Variants in THSD4 observed in about 807,000 individuals in gnomAD.
The protein encoded by THSD4 is thrombospondin type-1 domain-containing protein 4.
THSD4 carries 69 observed loss-of-function variants against 119.0 expected under a neutral mutation model. The observed-to-expected ratio is 0.58, with a 90% CI of 0.48 to 0.71. The LOEUF (loss-of-function observed/expected upper bound fraction) is 0.71. THSD4 is among the 30% of genes least tolerant of loss of function. The probability of loss-of-function intolerance (pLI) is 0.00; values close to 1 mark genes in which losing one functional copy is unlikely to be tolerated. For synonymous variants in THSD4, 524 were observed against 540.4 expected (o/e 0.97, Z 0.42); for missense variants, 1,393 against 1,391.1 (o/e 1.00, Z -0.02).
chr15:71,174,435 A>C (rs1243765210), intron 3 of THSD4, among the ~76,000 whole-genome samples: 1 of 146,156 alleles, frequency 6.8e-6, no homozygotes, highest in Non-Finnish European at 1.5e-5. Context: ...AGACCGGCTT[A>C]AGAAACGGCG....
At chr15:71,661,390 T>C (rs1361569426) in intron 8 of THSD4, among the ~76,000 whole-genome samples, 2 of 147,456 alleles carry the variant, frequency 1.4e-5, no homozygotes, top group East Asian at 2.0e-4. Context: ...GAACACATTA[T>C]TTATTTATTT....
intron 7 of THSD4, among the ~76,000 whole-genome samples, chr15:71,601,709 G>A (rs1312195544): frequency 6.6e-6 from 1 of 152,200 alleles, no homozygotes; most frequent in Non-Finnish European, 1.5e-5. Flanking sequence ...CTACTGAAAT[G>A]TCACTATTTA....
At chr15:71,218,639 C>G (rs1005665890) in intron 4 of THSD4, among the ~76,000 whole-genome samples, 2 of 152,214 alleles carry the variant, frequency 1.3e-5, no homozygotes, top group Non-Finnish European at 2.9e-5. Context: ...ATATGTCATG[C>G]TCCTCCCGGC....
chr15:71,610,527 T>C (rs2050203574), intron 7 of THSD4, among the ~76,000 whole-genome samples: 1 of 152,198 alleles, frequency 6.6e-6, no homozygotes, highest in South Asian at 2.1e-4. Context: ...AGAAACAGTC[T>C]GTCCTGCAAC....
At chr15:71,456,385 A>T (rs1402034146) in intron 7 of THSD4, among the ~76,000 whole-genome samples, 1 of 152,240 alleles carries the variant, frequency 6.6e-6, no homozygotes, top group Non-Finnish European at 1.5e-5. Context: ...GAAGATGCTT[A>T]AATGATCATC....
At chr15:71,567,957 A>G (rs925728838) in intron 7 of THSD4, among the ~76,000 whole-genome samples, 2 of 151,860 alleles carry the variant, frequency 1.3e-5, no homozygotes, top group Non-Finnish European at 2.9e-5. Flanking sequence ...CTTACCCTTT[A>G]TTTCTCTTAT....
At chr15:71,457,501 G>A (rs987837858) in intron 7 of THSD4, among the ~76,000 whole-genome samples, 2 of 151,880 alleles carry the variant, frequency 1.3e-5, no homozygotes, top group Non-Finnish European at 2.9e-5. Flanking sequence ...CCTTGCTGTG[G>A]ACAACAGGGT....
At chr15:71,761,513 A>T (rs2053627603) in intron 15 of THSD4, among the ~76,000 whole-genome samples, 2 of 152,334 alleles carry the variant, frequency 1.3e-5, no homozygotes, top group South Asian at 4.1e-4. Flanking sequence ...TTGAAATATA[A>T]TTCACGTACC....
chr15:71,554,393 G>A (rs1308495913), intron 7 of THSD4, among the ~76,000 whole-genome samples: 1 of 150,150 alleles, frequency 6.7e-6, no homozygotes, highest in African/African-American at 2.4e-5. Flanking sequence ...CCATGCCCCG[G>A]TTTTTTTTGT....
chr15:71,162,426 C>T (rs2043256879), intron 3 of THSD4, among the ~76,000 whole-genome samples: 2 of 151,876 alleles, frequency 1.3e-5, no homozygotes, highest in Non-Finnish European at 2.9e-5. Flanking sequence ...ACAGCTTTTT[C>T]TTCTTTCAAC....
At chr15:71,164,507 G>C (rs1041537395) in intron 3 of THSD4, among the ~76,000 whole-genome samples, 14 of 151,432 alleles carry the variant, frequency 9.2e-5, no homozygotes, top group African/African-American at 3.4e-4. Context: ...GCACCAACAA[G>C]AACCTGCTTT....
intron 8 of THSD4, among the ~76,000 whole-genome samples, chr15:71,699,448 T>A (rs1460910896): frequency 6.6e-6 from 1 of 152,144 alleles, no homozygotes. Context: ...CCAGCTTTTT[T>A]AATGTCAATT....
chr15:71,197,737 C>G (rs2043732702), intron 3 of THSD4, among the ~76,000 whole-genome samples: 1 of 152,080 alleles, frequency 6.6e-6, no homozygotes, highest in Non-Finnish European at 1.5e-5. Flanking sequence ...TCTGCTGCCC[C>G]CACTGGACTG....
chr15:71,441,770 T>C lies in THSD4; in HGVS notation c.1152+29947T>C, dbSNP rs935042075. Reference sequence around the variant, plus strand: ...CTGCCTCTCAGGAGCTGGATCTCCTTTATTAAGTTCCTAACTTTTCTGAGC... The same window carrying C: ...CTGCCTCTCAGGAGCTGGATCTCCTCTATTAAGTTCCTAACTTTTCTGAGC... On this transcript the variant is annotated intron_variant, in intron 7 of 17. Transcript: ENST00000261862. 1.8e-4 allele frequency among the ~76,000 whole-genome samples: 28 copies of C among 151,990 alleles called. 1 individual carries two copies. Among genetic ancestry groups the C allele is most frequent in the Non-Finnish European group, 4.4e-5 (3 of 67,996 alleles).
chr15:71,763,035 C>T (rs929147313), intron 15 of THSD4, among the ~76,000 whole-genome samples: 1 of 152,042 alleles, frequency 6.6e-6, no homozygotes, highest in Non-Finnish European at 1.5e-5. Context: ...TGCACCACTG[C>T]ACTCTAGCCT....
chr15:71,211,050 G>A (rs1459905289), intron 3 of THSD4, among the ~76,000 whole-genome samples: 1 of 152,110 alleles, frequency 6.6e-6, no homozygotes, highest in African/African-American at 2.4e-5. Flanking sequence ...ATTGTGATAG[G>A]TATTGCAAAG....
intron 7 of THSD4, among the ~76,000 whole-genome samples, chr15:71,646,863 A>C (rs549652199): frequency 1.3e-5 from 2 of 152,316 alleles, no homozygotes; most frequent in African/African-American, 4.8e-5. Flanking sequence ...TCCACCTGGA[A>C]TCAGAGAATC....
At chr15:71,297,320 T>TTTTTTTTTTTTGTTTG (rs111707595) in intron 6 of THSD4, among the ~76,000 whole-genome samples, 37 of 148,084 alleles carry the variant, frequency 2.5e-4, no homozygotes, top group South Asian at 8.8e-4. Flanking sequence ...CTCTTCTTTT[T>TTTTTTTTTTTTGTTTG]TTTGTTTGTT....
At chr15:71,725,811 CT>C (rs540964609) in intron 8 of THSD4, among the ~76,000 whole-genome samples, 233 of 149,370 alleles carry the variant, frequency 1.6e-3, no homozygotes, top group Non-Finnish European at 2.8e-3. Context: ...ACTTTTTTTC[CT>C]TTTTTTTTTC....
Sources: gnomAD v4.1 joint callset for allele counts (sites outside exome capture counted in the v4.1 genomes callset) on GRCh38, gnomAD v4.1.1 for gene constraint, MANE v1.5 for transcripts, NCBI Gene and HGNC (gene_info 2026-07-23, HGNC 2026-07-21) for gene names.